NKAIN1: variants seen among roughly 807,000 people sequenced by gnomAD.
The protein encoded by NKAIN1 is sodium/potassium transporting ATPase interacting 1, also known as sodium/potassium-transporting ATPase subunit beta-1-interacting protein 1.
Under a neutral mutation model 31.6 loss-of-function variants are expected in NKAIN1, and 13 were observed. The observed-to-expected ratio is 0.41, with a 90% CI of 0.27 to 0.65. The LOEUF is 0.65. Among genes scored for constraint, NKAIN1 ranks in the 30% least tolerant of loss-of-function variants. The pLI, the probability that NKAIN1 is intolerant of heterozygous loss-of-function variation, is 0.30. For synonymous variants in NKAIN1, 104 were observed against 109.0 expected, an observed-to-expected ratio of 0.95 and a Z score of 0.28; for missense variants, 193 against 262.2, an observed-to-expected ratio of 0.74 and a Z score of 1.82.
At chr1:31,197,545 C>CCTTTTT (rs1645339546) in intron 1 of NKAIN1, among the ~76,000 whole-genome samples, 1 of 111,392 alleles carries the variant, frequency 9.0e-6, no homozygotes, top group Admixed American at 1.0e-4. Flanking sequence ...CGTGCCCGGC[C>CCTTTTT]TTTTTTTTTT....
intron 1 of NKAIN1, among the ~76,000 whole-genome samples, chr1:31,221,545 C>T (rs139241725): frequency 1.6e-3 from 238 of 152,198 alleles, no homozygotes; most frequent in African/African-American, 5.5e-3. Context: ...AAGCGATTCT[C>T]CTGCCTCAGC....
chr1:31,182,724 A>G (rs185083798), intron 4 of NKAIN1, 134 bp from the exon 5 acceptor site: 101 of 805,756 alleles, frequency 1.3e-4, no homozygotes, highest in Admixed American at 1.1e-3. Flanking sequence ...AACAACTTCC[A>G]ATTAAATGTT....
intron 1 of NKAIN1, among the ~76,000 whole-genome samples, chr1:31,218,233 T>C (rs940732486): frequency 2.0e-5 from 3 of 151,920 alleles, no homozygotes; most frequent in Non-Finnish European, 4.4e-5. Flanking sequence ...TGGCTAATTT[T>C]TGTATTTTTA....
intron 1 of NKAIN1, among the ~76,000 whole-genome samples, chr1:31,202,674 TAAA>T (rs35561378): frequency 8.9e-5 from 9 of 100,984 alleles, no homozygotes; most frequent in African/African-American, 2.0e-4. Context: ...AGACTCTGTA[TAAA>T]AAAAAAAAAA....
chr1:31,195,972 C>G (rs1339539537), intron 1 of NKAIN1, among the ~76,000 whole-genome samples: 1 of 150,836 alleles, frequency 6.6e-6, no homozygotes, highest in Non-Finnish European at 1.5e-5. Flanking sequence ...ACCCCCAAAA[C>G]TACATAAAAG....
chr1:31,213,691 A>G (rs12033303), intron 1 of NKAIN1, among the ~76,000 whole-genome samples: 101,400 of 151,724 alleles, frequency 0.67, 34,749 homozygotes, highest in Middle Eastern at 0.87. Flanking sequence ...CATCTGATGG[A>G]TGGATAAAAA....
chr1:31,186,178 C>T (rs1286838767), intron 2 of NKAIN1, among the ~76,000 whole-genome samples: 1 of 151,544 alleles, frequency 6.6e-6, no homozygotes, highest in African/African-American at 2.4e-5. Flanking sequence ...GCCTGACCAA[C>T]ATGGAGAAAC....
intron 1 of NKAIN1, among the ~76,000 whole-genome samples, chr1:31,236,713 G>GC (rs1483296838): frequency 2.6e-5 from 4 of 152,188 alleles, no homozygotes; most frequent in Non-Finnish European, 5.9e-5. Flanking sequence ...AAACCAGAAT[G>GC]CCACCCAGGT....
intron 2 of NKAIN1, among the ~76,000 whole-genome samples, chr1:31,186,963 C>T (rs374725524): frequency 2.2e-4 from 34 of 152,312 alleles, no homozygotes; most frequent in African/African-American, 7.7e-4. Context: ...CGATTTGAGA[C>T]CTGGATGCTT....
rs186955424 is a variant in NKAIN1 at position 31,216,350 on chromosome 1, C to T, written c.54+23144G>A. 3.4e-3 allele frequency among the ~76,000 whole-genome samples: 519 copies of T among 152,240 alleles called. 5 individuals are homozygous for T. The highest frequency in any genetic ancestry group is 7.8e-3 in the Admixed American group (119 of 15,290). ...CTTCACAGGTGGCATTTCCTTTCAT[C>T]CCCAGAATGACACTGTGAGGGAATC... On this transcript the variant is annotated intron_variant, in intron 1 of 6. Transcript: ENST00000373736.
intron 1 of NKAIN1, among the ~76,000 whole-genome samples, chr1:31,236,801 T>C (rs981532592): frequency 2.0e-5 from 3 of 152,142 alleles, no homozygotes; most frequent in African/African-American, 7.2e-5. Flanking sequence ...GGGAGAACTA[T>C]GGAGGAAGGG....
Position 31,233,808 on chromosome 1 carries a change from C to A in NKAIN1, c.54+5686G>T, listed in dbSNP as rs1569593689. ...TATCCCGGCATCAACTTGCGAATTC[C>A]CCAAACTGCCATGGGCTCGTTCGTG... is the stretch of plus-strand genomic sequence containing the variant. On this transcript the variant is annotated intron_variant, in intron 1 of 6. Transcript: ENST00000373736. This position sits in a 1 kb window ranked among gnomAD's most constrained non-coding sequence, Gnocchi z 4.0. Among the ~76,000 whole-genome samples the A allele has an allele frequency of 6.6e-6, 1 of 152,140 alleles. No homozygotes were observed. Among genetic ancestry groups the A allele is most frequent in the East Asian group, 1.9e-4 (1 of 5,174 alleles).
intron 1 of NKAIN1, among the ~76,000 whole-genome samples, chr1:31,229,489 C>T (rs745845525): frequency 2.5e-4 from 38 of 152,164 alleles, no homozygotes; most frequent in Non-Finnish European, 5.1e-4. Context: ...ATCCTCCCCT[C>T]CGCTTCAGTA....
chr1:31,210,866 T>C (rs1352766897), intron 1 of NKAIN1, among the ~76,000 whole-genome samples: 1 of 152,198 alleles, frequency 6.6e-6, no homozygotes, highest in Non-Finnish European at 1.5e-5. Context: ...TCTTACCTGA[T>C]TTGTTCAACT....
chr1:31,188,480 T>C (rs912910694), intron 1 of NKAIN1: 2 of 313,602 alleles, frequency 6.4e-6, no homozygotes, highest in East Asian at 6.0e-5. Flanking sequence ...GTGGAGAAGA[T>C]GGTGGGATCA....
chr1:31,185,396 A>AGATCTCCTCATCCCT, intron 2 of NKAIN1, 69 bp from the exon 3 acceptor site: 4 of 1,264,068 alleles, frequency 3.2e-6, no homozygotes, highest in Non-Finnish European at 4.5e-6. Flanking sequence ...CAATGGAGAC[A>AGATCTCCTCATCCCT]GAGCTCAGGG....
At chr1:31,221,806 C>G (rs1426610370) in intron 1 of NKAIN1, among the ~76,000 whole-genome samples, 1 of 152,172 alleles carries the variant, frequency 6.6e-6, no homozygotes, top group African/African-American at 2.4e-5. Flanking sequence ...CAGCTTTAGA[C>G]TTTATCCTGA....
chr1:31,181,741 A>C, intron 6 of NKAIN1, 29 bp from the exon 7 acceptor site: 1 of 1,521,426 alleles, frequency 6.6e-7, no homozygotes, highest in East Asian at 2.5e-5. Context: ...GGTTAGGGAG[A>C]GTGGATCCCA....
Position 31,208,732 on chromosome 1 carries a change from G to A in NKAIN1, c.55-20545C>T, listed in dbSNP as rs57209313. ...TGAAGCTGCCCCGGACTTTGAGAGCGGTCAGCCCTTGTCTACAGCAGAGGC... is the reference window on the plus strand; with the variant it reads ...TGAAGCTGCCCCGGACTTTGAGAGCAGTCAGCCCTTGTCTACAGCAGAGGC... On this transcript the variant is annotated intron_variant, in intron 1 of 6. Coordinates refer to ENST00000373736, the MANE Select transcript of NKAIN1 (RefSeq NM_024522.3). Among the ~76,000 whole-genome samples the A allele has an allele frequency of 8.7e-3, 1,320 of 152,254 alleles. 26 individuals are homozygous for A. The highest frequency in any genetic ancestry group is 0.03 in the African/African-American group (1,232 of 41,564).
Sources: gnomAD v4.1 joint callset for allele counts (sites outside exome capture counted in the v4.1 genomes callset) on GRCh38, gnomAD v4.1.1 for gene constraint, Gnocchi (gnomAD v3.1) non-coding constraint, MANE v1.5 for transcripts, NCBI Gene and HGNC (gene_info 2026-07-23, HGNC 2026-07-21) for gene names.